Variants in FAM193A observed in about 807,000 individuals in gnomAD.
FAM193A encodes the protein family with sequence similarity 193 member A, also known as protein FAM193A.
A neutral mutation model predicts 126.5 loss-of-function variants in FAM193A; 22 were observed. The observed-to-expected ratio is 0.17, with a 90% CI of 0.12 to 0.25. FAM193A has a LOEUF of 0.25. Among genes scored for constraint, FAM193A ranks in the 10% least tolerant of loss-of-function variants. The pLI is 1.00. For synonymous variants in FAM193A, 761 were observed against 646.8 expected (o/e 1.18, Z -2.68); for missense variants, 1,675 against 1,672.8 (o/e 1.00, Z -0.02).
intron 1 of FAM193A, among the ~76,000 whole-genome samples, chr4:2,566,678 A>C (rs1738977485): frequency 6.6e-6 from 1 of 151,764 alleles, no homozygotes; most frequent in South Asian, 2.1e-4. Flanking sequence ...ACAGAGTGAG[A>C]CTCTGTCTCA....
chr4:2,706,721 A>G (rs1323842878), intron 19 of FAM193A, among the ~76,000 whole-genome samples: 10 of 151,074 alleles, frequency 6.6e-5, no homozygotes, highest in African/African-American at 1.9e-4. Flanking sequence ...ATGTTGTAAT[A>G]TCTCGTAGGG....
In FAM193A at chr4:2,646,846, G is replaced by C; in HGVS notation, c.1311+14G>C. Reference sequence around the variant, plus strand: ...GTCGACGAGCAGGTGAGTGCCACCCGGGACCACCGCACCCCGCGCACATCC... The same window carrying C: ...GTCGACGAGCAGGTGAGTGCCACCCCGGACCACCGCACCCCGCGCACATCC... On this transcript the variant is annotated intron_variant, in intron 7 of 20. Transcript: ENST00000637812. 1.2e-6 allele frequency: 2 copies of C among 1,606,988 alleles called. No individual in the cohort carries two copies. Among genetic ancestry groups the C allele is most frequent in the Non-Finnish European group, 1.7e-6 (2 of 1,176,728 alleles).
intron 7 of FAM193A, chr4:2,654,739 G>T: frequency 5.4e-6 from 1 of 186,828 alleles, no homozygotes; most frequent in Admixed American, 5.8e-5. Context: ...CTTTTTTAAG[G>T]TTTTTAAAAA....
At chr4:2,559,946 T>G (rs908957939) in intron 1 of FAM193A, among the ~76,000 whole-genome samples, 1 of 151,460 alleles carries the variant, frequency 6.6e-6, no homozygotes, top group Non-Finnish European at 1.5e-5. Context: ...TGCACGCTTT[T>G]CTTTTCTTTT....
intron 2 of FAM193A, among the ~76,000 whole-genome samples, chr4:2,612,503 C>A (rs113153524): frequency 0.048 from 7,364 of 152,002 alleles, 575 homozygotes; most frequent in African/African-American, 0.16. Context: ...CATCTCAAAA[C>A]AACAAACAAA....
intron 12 of FAM193A, among the ~76,000 whole-genome samples, chr4:2,664,430 T>C (rs1712851187): frequency 6.6e-6 from 1 of 152,178 alleles, no homozygotes; most frequent in South Asian, 2.1e-4. Flanking sequence ...TTCCATTCTG[T>C]TCATTTGATC....
intron 13 of FAM193A, among the ~76,000 whole-genome samples, chr4:2,674,645 T>C (rs1375996026): frequency 6.6e-6 from 1 of 152,162 alleles, no homozygotes; most frequent in Admixed American, 6.5e-5. Flanking sequence ...TTATAATTCA[T>C]ATTTTAGGCT....
chr4:2,669,259 AC>A (rs1202059577), intron 12 of FAM193A, among the ~76,000 whole-genome samples: 3 of 152,162 alleles, frequency 2.0e-5, no homozygotes, highest in Non-Finnish European at 4.4e-5. Flanking sequence ...AATATGTCTT[AC>A]AGGACCAGTT....
chr4:2,657,713 T>G (rs1711879558), intron 7 of FAM193A, 90 bp from the exon 8 acceptor site: 1 of 788,830 alleles, frequency 1.3e-6, no homozygotes, highest in African/African-American at 1.7e-5. Flanking sequence ...TATATCATTT[T>G]AAGAAAGTCT....
chr4:2,719,278 C>G (rs1028009095), intron 20 of FAM193A, among the ~76,000 whole-genome samples: 26 of 152,104 alleles, frequency 1.7e-4, no homozygotes, highest in Non-Finnish European at 2.9e-5. Context: ...CCATTGAACT[C>G]CAATCTGGGC....
intron 3 of FAM193A, 36 bp downstream of exon 3, chr4:2,625,431 C>G: frequency 1.5e-6 from 1 of 679,036 alleles, no homozygotes; most frequent in Non-Finnish European, 2.7e-6. Flanking sequence ...TCACACCTGT[C>G]CACAATGACA....
At chr4:2,637,656 C>T (rs972472198) in intron 5 of FAM193A, among the ~76,000 whole-genome samples, 1 of 152,238 alleles carries the variant, frequency 6.6e-6, no homozygotes, top group African/African-American at 2.4e-5. Context: ...CTTCCATAGG[C>T]CTCACCTCTC....
chr4:2,677,162 A>G (rs1343563474), intron 13 of FAM193A, among the ~76,000 whole-genome samples: 1 of 152,104 alleles, frequency 6.6e-6, no homozygotes, highest in African/African-American at 2.4e-5. Context: ...ATTCTTTTGC[A>G]TGTGGATATT....
chr4:2,573,227 A>T (rs532029440), intron 1 of FAM193A, among the ~76,000 whole-genome samples: 2 of 152,152 alleles, frequency 1.3e-5, no homozygotes, highest in South Asian at 4.2e-4. Context: ...TAAGAAGCCC[A>T]TGAGGCCAGG....
chr4:2,565,056 C>T (rs1297660571), intron 1 of FAM193A, among the ~76,000 whole-genome samples: 1 of 152,022 alleles, frequency 6.6e-6, no homozygotes, highest in East Asian at 1.9e-4. Flanking sequence ...ACCATGGCCT[C>T]CCAAAGTACT....
Position 2,716,113 on chromosome 4 carries a change from G to T in FAM193A, c.4454+9G>T. ...GTGGAATATTTCAAAAGGTAAATGT[G>T]GAGGCTGTGTCTGAAACCGTGGTGA... On this transcript the variant is annotated intron_variant, in intron 20 of 20. Coordinates refer to ENST00000637812, the MANE Select transcript of FAM193A (RefSeq NM_001366318.2). The T allele has an allele frequency of 6.4e-7, 1 of 1,563,156 alleles. No homozygotes were observed. The highest frequency in any genetic ancestry group is 8.8e-7 in the Non-Finnish European group (1 of 1,133,362).
chr4:2,590,602 C>A (rs1740514800), intron 1 of FAM193A, among the ~76,000 whole-genome samples: 1 of 151,520 alleles, frequency 6.6e-6, no homozygotes, highest in African/African-American at 2.4e-5. Flanking sequence ...CATTTCAGTT[C>A]CCTTAGCATT....
chr4:2,573,892 C>G (rs1739434046), intron 1 of FAM193A, among the ~76,000 whole-genome samples: 1 of 152,114 alleles, frequency 6.6e-6, no homozygotes, highest in Non-Finnish European at 1.5e-5. Context: ...GAAGAAGTTT[C>G]TAGTCAAAGG....
chr4:2,669,005 G>C (rs114036423), intron 12 of FAM193A, among the ~76,000 whole-genome samples: 4,699 of 151,966 alleles, frequency 0.031, 225 homozygotes, highest in African/African-American at 0.11. Context: ...ATGGCACCCG[G>C]CTAATTTTTG....
Sources: allele counts gnomAD v4.1 joint callset (sites outside exome capture counted in the v4.1 genomes callset), GRCh38; gene constraint gnomAD v4.1.1; transcripts MANE v1.5; gene names NCBI Gene and HGNC (gene_info 2026-07-23, HGNC 2026-07-21).